The following TJP2 variants were observed in gnomAD, a reference collection of about 807,000 sequenced individuals.
The protein encoded by TJP2 is Friedreich ataxia region gene X104 (tight junction protein ZO-2).
A neutral mutation model predicts 133.1 loss-of-function variants in TJP2; 91 were observed. That is an observed-to-expected ratio of 0.68 (90% CI 0.58 to 0.81). The LOEUF is 0.81. Among genes scored for constraint, TJP2 ranks in the 40% least tolerant of loss-of-function variants. The probability of loss-of-function intolerance (pLI) is 0.00; values close to 1 mark genes in which losing one functional copy is unlikely to be tolerated. For synonymous variants in TJP2, 592 were observed against 583.4 expected (o/e 1.01, Z -0.21); for missense variants, 1,541 against 1,565.6 (o/e 0.98, Z 0.26).
chr9:69,223,376 C>G (rs532110288), intron 5 of TJP2, among the ~76,000 whole-genome samples: 1 of 152,266 alleles, frequency 6.6e-6, no homozygotes, highest in African/African-American at 2.4e-5. Context: ...GGCGCGATCT[C>G]GGCTCACTGC....
chr9:69,242,369 G>C (rs1462908060), intron 17 of TJP2, among the ~76,000 whole-genome samples: 2 of 152,226 alleles, frequency 1.3e-5, no homozygotes, highest in African/African-American at 4.8e-5. Context: ...GCCAGCATCA[G>C]GACTAGCACA....
At chr9:69,249,891 G>A (rs1831206072) in intron 20 of TJP2, 1 of 290,508 alleles carries the variant, frequency 3.4e-6, no homozygotes, top group Non-Finnish European at 5.1e-6. Context: ...TACTGGTGAT[G>A]TGCTAAAGAG....
Position 69,251,187 on chromosome 9 carries a change from T to C in TJP2, c.3144T>C (p.Ser1048=), listed in dbSNP as rs1831304520. 1 of 1,614,038 alleles carries C rather than the reference T, an allele frequency of 6.2e-7. No homozygotes were observed. The highest frequency in any genetic ancestry group is 1.7e-5 in the Admixed American group (1 of 59,998). The stretch of plus-strand genomic sequence containing the variant: ...CAGCAAAACCTACCTTTGGGCGGTC[T>C]ATACTGAAGCCCTCCACTCCCATCC... ...PVAAKPTFGR[S]ILKPSTPIPP... is the part of the protein sequence containing the mutation. The change falls in exon 21 of 23, where the codon TCT becomes TCC. Residue 1048 remains serine, a synonymous_variant. Coordinates refer to ENST00000377245, the MANE Select transcript of TJP2 (RefSeq NM_004817.4).
chr9:69,236,840 C>T (rs749707560), intron 13 of TJP2, 109 bp from the exon 14 acceptor site: 16 of 1,287,806 alleles, frequency 1.2e-5, no homozygotes, highest in East Asian at 4.6e-5. Context: ...CATTGTCAAG[C>T]GGAATCTTCT....
upstream of TJP2, chr9:69,174,050 C>G (rs761923742): frequency 1.0e-5 from 11 of 1,064,728 alleles, no homozygotes; most frequent in Non-Finnish European, 1.1e-5. Flanking sequence ...CCAGGAGTCG[C>G]GCGTGACGCG....
chr9:69,251,347 G>T lies in TJP2; in HGVS notation c.3304G>T (p.Glu1102Ter). The T allele has an allele frequency of 6.2e-7, 1 of 1,613,842 alleles. No individual in the cohort carries two copies. The highest frequency in any genetic ancestry group is 8.5e-7 in the Non-Finnish European group (1 of 1,180,014). ...GTTACAGAGAATGCAGGAGCTCCAGGAAGCACAGAATGCAAGGGTAATTGT... is the reference window on the plus strand; with the variant it reads ...GTTACAGAGAATGCAGGAGCTCCAGTAAGCACAGAATGCAAGGGTAATTGT... ...ARLQRMQELQ[E>*]AQNARIEIAQ... Residue 1102 changes from glutamate to a stop codon, truncating the protein, a stop_gained, in exon 21 of 23, where the codon GAA (glutamate) becomes TAA (stop). Coordinates refer to ENST00000377245, the MANE Select transcript of TJP2 (RefSeq NM_004817.4). LOFTEE classifies it high-confidence loss of function.
intron 2 of TJP2, among the ~76,000 whole-genome samples, chr9:69,215,771 C>G (rs1423906988): frequency 6.6e-6 from 1 of 151,914 alleles, no homozygotes; most frequent in East Asian, 1.9e-4. Context: ...GGCACAATGG[C>G]TGTCTGTTGT....
chr9:69,174,024 C>A, upstream of TJP2: 1 of 1,033,944 alleles, frequency 9.7e-7, no homozygotes, highest in Non-Finnish European at 1.2e-6. Flanking sequence ...CCGCCGCCGC[C>A]GCCTCCCGCC....
At position 69,157,986 on chromosome 9, in the gene TJP2, T is replaced by A. The variant is rs192338896; in HGVS notation, c.-10+6215T>A. On this transcript the variant is annotated intron_variant, in intron 2 of 5. Coordinates refer to the TJP2 transcript ENST00000423935. The stretch of plus-strand genomic sequence containing the variant: ...TATACTCCTGCATGTTTAAAAGAAT[T>A]CAGAACCTAAGAATTAAAAGCTGAC... 3.5e-3 allele frequency among the ~76,000 whole-genome samples: 530 copies of A among 152,102 alleles called. 1 individual carries two copies. Among genetic ancestry groups the A allele is most frequent in the Non-Finnish European group, 5.8e-3 (394 of 67,974 alleles).
intron 2 of TJP2, among the ~76,000 whole-genome samples, chr9:69,213,828 A>G (rs914406420): frequency 6.6e-6 from 1 of 152,156 alleles, no homozygotes; most frequent in Non-Finnish European, 1.5e-5. Flanking sequence ...TAGAGGATGG[A>G]GCTGCCTCTG....
intron 17 of TJP2, chr9:69,246,485 A>G (rs1479653144): frequency 1.7e-5 from 10 of 590,362 alleles, no homozygotes; most frequent in Admixed American, 1.5e-4. Flanking sequence ...ACATCCACCT[A>G]TAATGTGAAC....
chr9:69,174,648 T>G (rs752479875), intron 1 of TJP2, among the ~76,000 whole-genome samples: 5 of 152,222 alleles, frequency 3.3e-5, no homozygotes, highest in Non-Finnish European at 7.3e-5. Context: ...ACCTTTACTC[T>G]GAAGTCACTT....
intron 22 of TJP2, chr9:69,253,220 G>C (rs567839333): frequency 8.3e-5 from 30 of 359,914 alleles, no homozygotes; most frequent in African/African-American, 4.8e-4. Context: ...GCTTAGACCT[G>C]TTTTGTCTTG....
chr9:69,210,665 G>C (rs1308235163), intron 1 of TJP2, among the ~76,000 whole-genome samples: 1 of 151,594 alleles, frequency 6.6e-6, no homozygotes, highest in Non-Finnish European at 1.5e-5. Context: ...GGCACCCCAG[G>C]CCCCATTCAC....
intron 1 of TJP2, among the ~76,000 whole-genome samples, chr9:69,144,313 G>A (rs1487220080): frequency 6.6e-6 from 1 of 152,222 alleles, no homozygotes; most frequent in African/African-American, 2.4e-5. Context: ...ATTGAGGAAA[G>A]AGAATCTGTA....
intron 1 of TJP2, among the ~76,000 whole-genome samples, chr9:69,134,502 C>T (rs1025516433): frequency 1.3e-5 from 2 of 152,114 alleles, no homozygotes; most frequent in Admixed American, 6.5e-5. Flanking sequence ...CTGTGGGGTG[C>T]ACACCTGGAG....
upstream of TJP2, among the ~76,000 whole-genome samples, chr9:69,172,996 C>T (rs1824773345): frequency 6.6e-6 from 1 of 152,144 alleles, no homozygotes; most frequent in South Asian, 2.1e-4. Flanking sequence ...ACTCACAGTG[C>T]TTTTTATCCA....
chr9:69,151,345 G>A (rs995612061), intron 1 of TJP2, among the ~76,000 whole-genome samples: 2 of 152,108 alleles, frequency 1.3e-5, no homozygotes, highest in Non-Finnish European at 2.9e-5. Context: ...GCCGGGCGTG[G>A]TGGCGCATGC....
At chr9:69,122,863 C>T (rs1351719061) in intron 1 of TJP2, among the ~76,000 whole-genome samples, 1 of 152,164 alleles carries the variant, frequency 6.6e-6, no homozygotes, top group Non-Finnish European at 1.5e-5. Context: ...TAAGTTAAGC[C>T]CTTAACCAAT....
Sources: allele counts gnomAD v4.1 joint callset (sites outside exome capture counted in the v4.1 genomes callset), GRCh38; gene constraint gnomAD v4.1.1; transcripts MANE v1.5; gene names NCBI Gene and HGNC (gene_info 2026-07-23, HGNC 2026-07-21).